LPP: variants seen among roughly 807,000 people sequenced by gnomAD.
The protein encoded by LPP is lipoma-preferred partner.
LPP carries 38 observed loss-of-function variants against 60.4 expected under a neutral mutation model. The ratio of observed to expected loss-of-function variants is 0.63; its 90% CI spans 0.49 to 0.83. The LOEUF is 0.83. Ranked by LOEUF, LPP falls within the 40% of genes least tolerant of loss-of-function variation. The probability of loss-of-function intolerance (pLI) is 0.00; values close to 1 mark genes in which losing one functional copy is unlikely to be tolerated. For synonymous variants in LPP, 328 were observed against 290.8 expected, an observed-to-expected ratio of 1.13 and a Z score of -1.30; for missense variants, 902 against 783.6, an observed-to-expected ratio of 1.15 and a Z score of -1.80.
chr3:188,680,304 G>C (rs1230943117), intron 7 of LPP, among the ~76,000 whole-genome samples: 1 of 152,162 alleles, frequency 6.6e-6, no homozygotes, highest in Non-Finnish European at 1.5e-5. Flanking sequence ...GATCGCTTCA[G>C]ATTGTCTCAG....
chr3:188,385,343 G>C lies in LPP; in HGVS notation c.-9-20769G>C, dbSNP rs552300236. Among the ~76,000 whole-genome samples the C allele has an allele frequency of 1.1e-4, 16 of 152,218 alleles. 3 individuals carry two copies. In the South Asian group the frequency reaches 1.2e-3, roughly 12 times the overall value. ...GGACTTGTTGGATGATTGAGTAAGC[G>C]TGTGGGGGGGTGTGAAGAGAGGGTT... On this transcript the variant is annotated intron_variant, in intron 3 of 11. Coordinates refer to ENST00000617246, the MANE Select transcript of LPP (RefSeq NM_001375462.1).
At chr3:188,624,631 C>T (rs181659721) in intron 7 of LPP, among the ~76,000 whole-genome samples, 61 of 152,236 alleles carry the variant, frequency 4.0e-4, no homozygotes, top group African/African-American at 1.4e-3. Context: ...AGTTCTAGTA[C>T]CAGACTATTA....
intron 9 of LPP, among the ~76,000 whole-genome samples, chr3:188,841,548 C>A (rs1052392566): frequency 2.0e-5 from 3 of 152,032 alleles, no homozygotes; most frequent in African/African-American, 4.8e-5. Context: ...TGCAACACCA[C>A]GCCCAGCTAA....
At chr3:188,203,056 A>C (rs1241480939) in intron 1 of LPP, among the ~76,000 whole-genome samples, 2 of 145,416 alleles carry the variant, frequency 1.4e-5, no homozygotes, top group Non-Finnish European at 3.0e-5. Context: ...TTTATAATAA[A>C]AATATTTATT....
chr3:188,517,757 G>C (rs1817776080), intron 5 of LPP, among the ~76,000 whole-genome samples: 1 of 152,120 alleles, frequency 6.6e-6, no homozygotes, highest in Non-Finnish European at 1.5e-5. Context: ...CATGAGAACA[G>C]TATGGAGGAA....
intron 4 of LPP, among the ~76,000 whole-genome samples, chr3:188,464,526 A>T (rs1799898100): frequency 1.3e-5 from 2 of 152,112 alleles, no homozygotes; most frequent in Non-Finnish European, 2.9e-5. Context: ...GGAAGAGGAG[A>T]AGTAAGTAGT....
At chr3:188,583,750 C>T (rs1458784228) in intron 6 of LPP, among the ~76,000 whole-genome samples, 2 of 152,152 alleles carry the variant, frequency 1.3e-5, no homozygotes, top group Admixed American at 6.5e-5. Context: ...GTGACTGTCT[C>T]GCCAGTGCAC....
intron 4 of LPP, among the ~76,000 whole-genome samples, chr3:188,474,171 A>G (rs1055625358): frequency 1.3e-5 from 2 of 152,254 alleles, no homozygotes; most frequent in Non-Finnish European, 2.9e-5. Flanking sequence ...ACCAATAATA[A>G]TTTATAGCAA....
In LPP at chr3:188,676,188, G is replaced by A. The variant is rs192639512; in HGVS notation, c.1114-32079G>A. Among the ~76,000 whole-genome samples, 187 of 152,288 alleles carry A rather than the reference G, an allele frequency of 1.2e-3. 3 individuals are homozygous for A. Among genetic ancestry groups the A allele is most frequent in the African/African-American group, 4.1e-3 (172 of 41,572 alleles). On this transcript the variant is annotated intron_variant, in intron 7 of 11. Coordinates refer to ENST00000617246, the MANE Select transcript of LPP (RefSeq NM_001375462.1). ...AATCGAATTCTTGAAGATTAGATTTGTGTATTCATGGAATAATCTAGACAA... is the reference window on the plus strand; with the variant it reads ...AATCGAATTCTTGAAGATTAGATTTATGTATTCATGGAATAATCTAGACAA...
intron 5 of LPP, among the ~76,000 whole-genome samples, chr3:188,509,929 G>A (rs1814939791): frequency 7.5e-6 from 1 of 133,160 alleles, no homozygotes. Flanking sequence ...ATGTTGGCCA[G>A]GCTGGTCTCA....
intron 3 of LPP, among the ~76,000 whole-genome samples, chr3:188,377,798 CCA>C (rs1775618483): frequency 1.6e-4 from 24 of 152,238 alleles, no homozygotes; most frequent in African/African-American, 5.3e-4. Flanking sequence ...TTTAGAGTTT[CCA>C]GTTTTTCTGC....
intron 1 of LPP, among the ~76,000 whole-genome samples, chr3:188,194,690 A>T (rs551223134): frequency 6.6e-6 from 1 of 152,338 alleles, no homozygotes; most frequent in East Asian, 1.9e-4. Flanking sequence ...TTATGTATGT[A>T]TGCATGTAGA....
At chr3:188,757,446 T>C (rs1208199158) in intron 8 of LPP, among the ~76,000 whole-genome samples, 1 of 152,172 alleles carries the variant, frequency 6.6e-6, no homozygotes, top group African/African-American at 2.4e-5. Flanking sequence ...CCATGTAGGC[T>C]CAGGTTCTTG....
intron 1 of LPP, among the ~76,000 whole-genome samples, chr3:188,212,167 T>C (rs915518809): frequency 4.0e-5 from 6 of 151,890 alleles, no homozygotes; most frequent in African/African-American, 1.5e-4. Flanking sequence ...CCGAGAGGAG[T>C]TGTTTTGAGA....
chr3:188,462,544 T>TA (rs1799236891), intron 4 of LPP, among the ~76,000 whole-genome samples: 660 of 34,178 alleles, frequency 0.019, 94 homozygotes, highest in African/African-American at 0.028. Flanking sequence ...TATATGAGCT[T>TA]TATATATATA....
At chr3:188,796,303 T>G (rs1474565358) in intron 9 of LPP, among the ~76,000 whole-genome samples, 1 of 152,118 alleles carries the variant, frequency 6.6e-6, no homozygotes, top group Admixed American at 6.5e-5. Context: ...TGGTCAGAGC[T>G]CAGAGACTGA....
At chr3:188,859,825 C>T (rs1315738792) in intron 9 of LPP, among the ~76,000 whole-genome samples, 1 of 151,992 alleles carries the variant, frequency 6.6e-6, no homozygotes, top group Non-Finnish European at 1.5e-5. Context: ...GTCATGACAT[C>T]AAAAAAGTAC....
chr3:188,796,897 C>G (rs1274390872), intron 9 of LPP, among the ~76,000 whole-genome samples: 5 of 152,178 alleles, frequency 3.3e-5, no homozygotes, highest in African/African-American at 4.8e-5. Flanking sequence ...TCACAATCTT[C>G]AAAATATCCT....
chr3:188,671,109 A>G (rs966472106), intron 7 of LPP, among the ~76,000 whole-genome samples: 2 of 152,236 alleles, frequency 1.3e-5, no homozygotes, highest in African/African-American at 4.8e-5. Flanking sequence ...TCTTAGATCA[A>G]GTACTACGCA....
Sources: gnomAD v4.1 joint callset for allele counts (sites outside exome capture counted in the v4.1 genomes callset) on GRCh38, gnomAD v4.1.1 for gene constraint, MANE v1.5 for transcripts, NCBI Gene and HGNC (gene_info 2026-07-23, HGNC 2026-07-21) for gene names.